HYDIN: variants seen among roughly 807,000 people sequenced by gnomAD.
The protein encoded by HYDIN is axonemal central pair apparatus protein HYDIN.
A neutral mutation model predicts 403.9 loss-of-function variants in HYDIN; 132 were observed. That is an observed-to-expected ratio of 0.33 (90% CI 0.28 to 0.38). The LOEUF is 0.38. Ranked by LOEUF, HYDIN falls within the 10% of genes least tolerant of loss-of-function variation. HYDIN has a pLI of 1.00. For missense variants in HYDIN, 2,827 were observed against 5,009.5 expected (o/e 0.56, Z 13.15); for synonymous variants, 1,202 against 1,891.7 (o/e 0.64, Z 9.46).
At chr16:71,194,960 C>T (rs543787575) in intron 1 of HYDIN, among the ~76,000 whole-genome samples, 42 of 152,294 alleles carry the variant, frequency 2.8e-4, no homozygotes, top group African/African-American at 9.9e-4. Flanking sequence ...AGCCAAGAGA[C>T]GATGGGAGAA....
At chr16:71,081,886 C>T (rs1433261580) in intron 12 of HYDIN, among the ~76,000 whole-genome samples, 1 of 138,924 alleles carries the variant, frequency 7.2e-6, no homozygotes, top group African/African-American at 2.9e-5. Flanking sequence ...TATAAAATCA[C>T]ATACATAAAA....
At chr16:70,997,025 T>A (rs552445086) in intron 23 of HYDIN, among the ~76,000 whole-genome samples, 1 of 151,072 alleles carries the variant, frequency 6.6e-6, no homozygotes, top group Admixed American at 6.6e-5. Context: ...GATGGTCCCA[T>A]CAGGGGGTGA....
chr16:70,833,375 G>A (rs1378693403), intron 79 of HYDIN, among the ~76,000 whole-genome samples: 59 of 135,082 alleles, frequency 4.4e-4, no homozygotes, highest in Non-Finnish European at 6.9e-4. Flanking sequence ...CACATGTGTC[G>A]TGTACTTAAG....
rs2038303170 is a variant in HYDIN, at chr16:70,847,609, CTTG to C, written c.12873+2114_12873+2116del. Among the ~76,000 whole-genome samples the C allele has an allele frequency of 1.3e-5, 2 of 151,764 alleles. 1 individual carries two copies. Among genetic ancestry groups the C allele is most frequent in the African/African-American group, 4.8e-5 (2 of 41,318 alleles). On this transcript the variant is annotated intron_variant, in intron 75 of 85. Coordinates refer to ENST00000393567, the MANE Select transcript of HYDIN (RefSeq NM_001270974.2). ...AATAGTTTTACTAGATATAAAATTC[CTTG>C]TTGATAATTTTTTTTTTTCAGCACG...
chr16:70,920,974 G>A lies in HYDIN; in HGVS notation c.7402C>T (p.Gln2468Ter), dbSNP rs749298859. The part of the protein sequence containing the change: ...KTYELTLKDV[Q>*]NILMYWDRKQ... ...CGGTCCCAGTACATGAGGATGTTCT[G>A]GACATCCTTCAGTGTCAATTCATAG... Residue 2468 changes from glutamine to a stop codon, truncating the protein, a stop_gained, in exon 46 of 86, where the codon CAG becomes TAG. Transcript: ENST00000393567. LOFTEE classifies it high-confidence loss of function. The A allele has an allele frequency of 1.9e-6, 3 of 1,595,356 alleles. No homozygotes were observed. The highest frequency in any genetic ancestry group is 2.6e-6 in the Non-Finnish European group (3 of 1,169,358).
At chr16:70,857,551 A>T (rs933425943) in intron 72 of HYDIN, among the ~76,000 whole-genome samples, 154 bp downstream of exon 72, 3 of 150,230 alleles carry the variant, frequency 2.0e-5, no homozygotes, top group Non-Finnish European at 4.4e-5. Context: ...TGAGCAGTAA[A>T]TATTTTGTGG....
chr16:70,806,698 G>A lies in HYDIN; in HGVS notation c.*882C>T, dbSNP rs1453833140. Among the ~76,000 whole-genome samples the A allele has an allele frequency of 6.6e-6, 1 of 152,146 alleles. No homozygotes were observed. The highest frequency in any genetic ancestry group is 1.5e-5 in the Non-Finnish European group (1 of 68,020). Reference sequence around the variant, plus strand: ...AGTGTGGGGAGCAGGTAGAGGCAGGGGGACCCTCCGTCAGAGGTGTATGTC... The same window carrying A: ...AGTGTGGGGAGCAGGTAGAGGCAGGAGGACCCTCCGTCAGAGGTGTATGTC... On this transcript the variant is annotated 3_prime_UTR_variant, in exon 86 of 86. Coordinates refer to ENST00000393567, the MANE Select transcript of HYDIN (RefSeq NM_001270974.2).
chr16:71,174,357 C>T (rs926506202), intron 5 of HYDIN, among the ~76,000 whole-genome samples: 4 of 152,080 alleles, frequency 2.6e-5, no homozygotes, highest in South Asian at 2.1e-4. Flanking sequence ...TGACAGCAGC[C>T]GATAGGTACT....
At chr16:71,098,406 G>A (rs1463302525) in intron 10 of HYDIN, among the ~76,000 whole-genome samples, 1 of 151,672 alleles carries the variant, frequency 6.6e-6, no homozygotes, top group Admixed American at 6.6e-5. Context: ...GCTTCACCGT[G>A]TTAGCCAGGA....
At chr16:71,118,153 G>A (rs1460171756) in intron 9 of HYDIN, among the ~76,000 whole-genome samples, 1 of 152,152 alleles carries the variant, frequency 6.6e-6, no homozygotes, top group Non-Finnish European at 1.5e-5. Context: ...ATCCCACTAA[G>A]GTTTGAGTTC....
chr16:71,137,105 T>C (rs556077108), intron 8 of HYDIN, 46 bp downstream of exon 8: 4 of 812,166 alleles, frequency 4.9e-6, no homozygotes, highest in Admixed American at 2.2e-5. Flanking sequence ...GAGTTTTACA[T>C]TCCCCCCCTC....
In HYDIN at chr16:70,892,217, C is replaced by A. The variant is rs1229901701; in HGVS notation, c.9417+144G>T. The A allele has an allele frequency of 1.1e-5, 8 of 736,428 alleles. No homozygotes were observed. In the East Asian group the frequency reaches 2.3e-4, roughly 21 times the overall value. The allele number at this position is 736,428 out of a possible 1,614,324, so 45.6% of individuals were successfully genotyped here. On this transcript the variant is annotated intron_variant, in intron 56 of 85. Coordinates refer to ENST00000393567, the MANE Select transcript of HYDIN (RefSeq NM_001270974.2). ...ACTTTGCCTGATAGTTAGGACAGAA[C>A]CCCGGTGTATCCTATCTGGTTGCCA...
intron 71 of HYDIN, among the ~76,000 whole-genome samples, chr16:70,858,729 C>G (rs1259719377): frequency 6.6e-6 from 1 of 152,096 alleles, no homozygotes; most frequent in African/African-American, 2.4e-5. Context: ...ACCAGCATGA[C>G]TTTGGATGAT....
chr16:71,211,441 C>A (rs957188888), intron 1 of HYDIN, among the ~76,000 whole-genome samples: 2 of 151,220 alleles, frequency 1.3e-5, no homozygotes, highest in African/African-American at 4.9e-5. Flanking sequence ...GAGATCGAGA[C>A]CATCCTGGCT....
chr16:70,834,999 T>C lies in HYDIN; in HGVS notation c.13401+677A>G, dbSNP rs572573038. 2.4e-3 allele frequency among the ~76,000 whole-genome samples: 350 copies of C among 143,114 alleles called. 2 individuals carry two copies. The highest frequency in any genetic ancestry group is 0.016 in the South Asian group (74 of 4,660). 93.9% of individuals were successfully genotyped at this position (143,114 alleles called of 152,430 possible). ...GTGTATATATATATATATACACACA[T>C]ATATATATACACACACATATATATA... On this transcript the variant is annotated intron_variant, in intron 78 of 85. Transcript: ENST00000393567.
rs1555539527 is a variant in HYDIN, at chr16:70,834,950, G to GTA, written c.13401+724_13401+725dup. ...TATATGTATATATACACACATATATGTATATATATACACACATATATGTGT... is the reference window on the plus strand; with the variant it reads ...TATATGTATATATACACACATATATGTATATATATATACACACATATATGTGT... On this transcript the variant is annotated intron_variant, in intron 78 of 85. Coordinates refer to ENST00000393567, the MANE Select transcript of HYDIN (RefSeq NM_001270974.2). Among the ~76,000 whole-genome samples the GTA allele has an allele frequency of 6.7e-4, 88 of 130,924 alleles. 1 individual carries two copies. Among genetic ancestry groups the GTA allele is most frequent in the East Asian group, 4.0e-3 (19 of 4,780 alleles). The allele number at this position is 130,924 out of a possible 152,430, so 85.9% of individuals were successfully genotyped here.
rs1285182843 is a variant in HYDIN at position 70,835,111 on chromosome 16, C to T, written c.13401+565G>A. On this transcript the variant is annotated intron_variant, in intron 78 of 85. Coordinates refer to ENST00000393567, the MANE Select transcript of HYDIN (RefSeq NM_001270974.2). Reference sequence around the variant, plus strand: ...CTCCTGGGTTCAAACAATTCTCTGCCTCAGCCTCCTGAATAGCTGGGATTA... The same window carrying T: ...CTCCTGGGTTCAAACAATTCTCTGCTTCAGCCTCCTGAATAGCTGGGATTA... Among the ~76,000 whole-genome samples the T allele has an allele frequency of 2.0e-5, 3 of 151,094 alleles. No individual in the cohort carries two copies. The East Asian group carries it at 5.9e-4, about 30-fold the overall frequency.
chr16:71,185,106 T>C (rs143184394), intron 2 of HYDIN, 116 bp from the exon 3 acceptor site: 20 of 557,988 alleles, frequency 3.6e-5, no homozygotes, highest in Middle Eastern at 4.2e-4. Context: ...AATTCTGGAA[T>C]GCCACTAAGT....
chr16:70,875,747 C>T (rs1267368156), intron 62 of HYDIN, among the ~76,000 whole-genome samples: 5 of 151,938 alleles, frequency 3.3e-5, no homozygotes, highest in South Asian at 2.1e-4. Context: ...CTAAATACTC[C>T]GCAAGCAGAA....
Sources: allele counts gnomAD v4.1 joint callset (sites outside exome capture counted in the v4.1 genomes callset), GRCh38; gene constraint gnomAD v4.1.1; transcripts MANE v1.5; gene names NCBI Gene and HGNC (gene_info 2026-07-23, HGNC 2026-07-21).